INTS6L: variants seen among roughly 807,000 people sequenced by gnomAD.
INTS6L encodes integrator complex subunit 6-like.
In INTS6L, 18 loss-of-function variants were observed where a neutral mutation model predicts 64.7. The ratio of observed to expected loss-of-function variants is 0.28; its 90% CI spans 0.19 to 0.41. INTS6L has a LOEUF of 0.41. INTS6L is among the 10% of genes least tolerant of loss of function. The probability of loss-of-function intolerance (pLI) is 1.00; values close to 1 mark genes in which losing one functional copy is unlikely to be tolerated. For missense variants in INTS6L, 533 were observed against 661.0 expected (o/e 0.81, Z 2.12); for synonymous variants, 227 against 235.9 (o/e 0.96, Z 0.34).
rs781794629 is a variant in INTS6L at position 135,582,056 on chromosome X, C to A, written c.*420C>A. The A allele has an allele frequency of 7.4e-6, 1 of 135,888 alleles. No homozygotes were observed. Among genetic ancestry groups the A allele is most frequent in the African/African-American group, 3.2e-5 (1 of 31,106 alleles). 11.2% of individuals were successfully genotyped at this position (135,888 alleles called of 1,213,427 possible). A position where few individuals can be genotyped will look rare whatever the true frequency, so the allele number is the denominator to read the frequency against. On this transcript the variant is annotated 3_prime_UTR_variant, in exon 18 of 18. Transcript: ENST00000639893. ...GAATAGGTGTACAGAAAGGAAATGG[C>A]AATCTTATGTGTGCTGAACAAAGTT...
chrX:135,566,315 G>A, intron 9 of INTS6L, among the ~76,000 whole-genome samples: 1 of 112,232 alleles, frequency 8.9e-6, no homozygotes, highest in East Asian at 2.8e-4. Flanking sequence ...AATAAATGCT[G>A]TTGTTATTAT....
At chrX:135,580,654 C>A (rs1307361829) in intron 16 of INTS6L, among the ~76,000 whole-genome samples, 2 of 112,516 alleles carry the variant, frequency 1.8e-5, no homozygotes, top group Non-Finnish European at 3.8e-5. Context: ...CATGTTTTCT[C>A]TCTGACCTTA....
chrX:135,563,663 ATATATAGC>A (rs1556523439), intron 9 of INTS6L, among the ~76,000 whole-genome samples: 20 of 5,103 alleles, frequency 3.9e-3, no homozygotes, highest in South Asian at 0.015. Context: ...ATATAGCTAT[ATATATAGC>A]TATATATATA....
intron 15 of INTS6L, among the ~76,000 whole-genome samples, chrX:135,577,930 A>G (rs2087274538): frequency 8.9e-6 from 1 of 112,105 alleles, no homozygotes; most frequent in East Asian, 2.8e-4. Flanking sequence ...ATTCTCATCA[A>G]GGTCACTAGT....
At chrX:135,527,696 T>C (rs1556502010) in intron 2 of INTS6L, among the ~76,000 whole-genome samples, 1 of 111,758 alleles carries the variant, frequency 8.9e-6, no homozygotes, top group Non-Finnish European at 1.9e-5. Flanking sequence ...TTGTTGTCTA[T>C]ATGCTTGTTT....
At chrX:135,576,188 G>A (rs1272307579) in intron 14 of INTS6L, among the ~76,000 whole-genome samples, 23 of 110,407 alleles carry the variant, frequency 2.1e-4, no homozygotes, top group African/African-American at 5.9e-4. Flanking sequence ...TTAGCCAGGC[G>A]TGGTGGTGGG....
chrX:135,552,113 C>G lies in INTS6L; in HGVS notation c.1026C>G (p.Ile342Met), dbSNP rs143371309. 2 of 1,201,302 alleles carry G rather than the reference C, an allele frequency of 1.7e-6. No individual in the cohort carries two copies. Among genetic ancestry groups the G allele is most frequent in the East Asian group, 6.0e-5 (2 of 33,586 alleles). Residue 342 changes from isoleucine (I) to methionine (M), a missense_variant, in exon 8 of 18, where the codon ATC (isoleucine) becomes ATG (methionine). Physicochemically the swap from Ile to Met is conservative, Grantham distance 10 (BLOSUM62 1). Coordinates refer to ENST00000639893, the MANE Select transcript of INTS6L (RefSeq NM_001351601.3). ...ELEPSPLTQYILERKSPHTCW... is the reference protein window; with the variant it reads ...ELEPSPLTQYMLERKSPHTCW... ...AACCTTCGCCCTTAACTCAGTATAT[C>G]TTGGAACGAAAGTCTCCCCATACCT... is the stretch of plus-strand genomic sequence containing the variant.
chrX:135,535,764 G>A (rs191156973), intron 2 of INTS6L, among the ~76,000 whole-genome samples: 1 of 112,099 alleles, frequency 8.9e-6, no homozygotes, highest in Admixed American at 9.5e-5. Flanking sequence ...GCTAAATTTA[G>A]ACTCTGGCTT....
At chrX:135,530,744 G>C (rs1411265812) in intron 2 of INTS6L, among the ~76,000 whole-genome samples, 2 of 111,867 alleles carry the variant, frequency 1.8e-5, no homozygotes, top group Non-Finnish European at 3.8e-5. Context: ...GTCATAGCCA[G>C]ATCATTGGTT....
At chrX:135,578,551 A>C (rs1424710752) in intron 15 of INTS6L, among the ~76,000 whole-genome samples, 3 of 111,814 alleles carry the variant, frequency 2.7e-5, no homozygotes, top group Non-Finnish European at 5.6e-5. Context: ...CAGAGTCGGG[A>C]AGAATGCTCT....
At chrX:135,538,722 T>C (rs2086117627) in intron 2 of INTS6L, among the ~76,000 whole-genome samples, 1 of 111,937 alleles carries the variant, frequency 8.9e-6, no homozygotes, top group Admixed American at 9.5e-5. Context: ...TTTTAAATAA[T>C]AAAACTTGAA....
At chrX:135,549,490 A>G in intron 6 of INTS6L, 152 bp from the exon 7 acceptor site, 1 of 619,119 alleles carries the variant, frequency 1.6e-6, no homozygotes, top group South Asian at 3.0e-5. Flanking sequence ...TAGAAATCCT[A>G]GTAGAGTCAC....
chrX:135,526,964 T>C (rs1322131028), intron 2 of INTS6L, among the ~76,000 whole-genome samples: 1 of 112,175 alleles, frequency 8.9e-6, no homozygotes, highest in Non-Finnish European at 1.9e-5. Flanking sequence ...AAGTTTATAA[T>C]ATGGTAGAAT....
chrX:135,552,573 G>T (rs1556517451), intron 8 of INTS6L, among the ~76,000 whole-genome samples: 1 of 111,954 alleles, frequency 8.9e-6, no homozygotes, highest in Non-Finnish European at 1.9e-5. Flanking sequence ...ACTAATTTCT[G>T]TATTAGTGTA....
At chrX:135,557,635 G>A (rs1556519987) in intron 9 of INTS6L, among the ~76,000 whole-genome samples, 1 of 111,948 alleles carries the variant, frequency 8.9e-6, no homozygotes, top group African/African-American at 3.2e-5. Flanking sequence ...ACATTATGCT[G>A]AGTGAAATAA....
rs2085519544 is a variant in INTS6L, at chrX:135,520,935, G to A, written c.-58G>A. The A allele has an allele frequency of 8.9e-7, 1 of 1,125,136 alleles. No individual in the cohort carries two copies. The highest frequency in any genetic ancestry group is 1.2e-6 in the Non-Finnish European group (1 of 824,362). 92.7% of individuals were successfully genotyped at this position (1,125,136 alleles called of 1,213,427 possible). A position where few individuals can be genotyped will look rare whatever the true frequency, so the allele number is the denominator to read the frequency against. ...GTTGAGGGTTCAGGTGGCCGTACGCGGCAGTGAGGGCAAGAGGGCCGGGAG... is the reference window on the plus strand; with the variant it reads ...GTTGAGGGTTCAGGTGGCCGTACGCAGCAGTGAGGGCAAGAGGGCCGGGAG... On this transcript the variant is annotated 5_prime_UTR_variant, in exon 1 of 18. Coordinates refer to ENST00000639893, the MANE Select transcript of INTS6L (RefSeq NM_001351601.3).
chrX:135,575,652 A>C (rs1177659554), intron 14 of INTS6L, among the ~76,000 whole-genome samples: 1 of 112,185 alleles, frequency 8.9e-6, no homozygotes, highest in Non-Finnish European at 1.9e-5. Flanking sequence ...TCGAAATCAC[A>C]GTTTATTTCC....
At position 135,575,078 on chromosome X, in the gene INTS6L, T is replaced by C. The variant is rs1556530121; in HGVS notation, c.1742-6T>C. 1.7e-6 allele frequency: 2 copies of C among 1,208,364 alleles called. No individual in the cohort carries two copies. The highest frequency in any genetic ancestry group is 2.2e-6 in the Non-Finnish European group (2 of 894,446). On this transcript the variant is annotated splice_region_variant and splice_polypyrimidine_tract_variant and intron_variant, in intron 13 of 17. Coordinates refer to ENST00000639893, the MANE Select transcript of INTS6L (RefSeq NM_001351601.3). ...AGCATCAATTTCTTTTCCTGTGATT[T>C]TGCAGATTCCCTTCATAGTGTTCCA...
chrX:135,553,592 G>C (rs1248340993), intron 8 of INTS6L, among the ~76,000 whole-genome samples: 1 of 107,796 alleles, frequency 9.3e-6, no homozygotes, highest in African/African-American at 3.4e-5. Context: ...CCAGAGTGCC[G>C]GGATGATGGC....
Sources: gnomAD v4.1 joint callset for allele counts (sites outside exome capture counted in the v4.1 genomes callset) on GRCh38, gnomAD v4.1.1 for gene constraint, MANE v1.5 for transcripts, NCBI Gene and HGNC (gene_info 2026-07-23, HGNC 2026-07-21) for gene names.